RPP40: variants seen among roughly 807,000 people sequenced by gnomAD.
The protein encoded by RPP40 is ribonuclease P/MRP subunit p40.
In RPP40, 30 loss-of-function variants were observed where a neutral mutation model predicts 42.5. The ratio of observed to expected loss-of-function variants is 0.71; its 90% CI spans 0.53 to 0.96. The LOEUF (loss-of-function observed/expected upper bound fraction) is 0.96. RPP40 is among the 40% of genes least tolerant of loss of function. The pLI, the probability that RPP40 is intolerant of heterozygous loss-of-function variation, is 0.00. For synonymous variants in RPP40, 173 were observed against 164.0 expected (o/e 1.05, Z -0.42); for missense variants, 426 against 433.5 (o/e 0.98, Z 0.15).
At chr6:4,988,740 T>A in the RPP40 span, among the ~76,000 whole-genome samples, 4 of 152,358 alleles carry the variant, frequency 2.6e-5, no homozygotes, top group South Asian at 8.3e-4. Context: ...ATTTGTTTTT[T>A]TCCTAGGTCT....
chr6:4,991,273 G>C (rs570457413), downstream of RPP40, among the ~76,000 whole-genome samples: 2 of 152,238 alleles, frequency 1.3e-5, no homozygotes, highest in East Asian at 3.9e-4. Flanking sequence ...TGTGACAAAT[G>C]TTTTGAATTT....
downstream of RPP40, among the ~76,000 whole-genome samples, chr6:4,990,106 G>A (rs1413608989): frequency 6.6e-6 from 1 of 152,154 alleles, no homozygotes; most frequent in South Asian, 2.1e-4. Context: ...AAGAAGTGTT[G>A]TTTATTCCTA....
At chr6:4,990,946 A>G (rs918926251), downstream of RPP40, among the ~76,000 whole-genome samples, 2 of 152,134 alleles carry the variant, frequency 1.3e-5, no homozygotes, top group Non-Finnish European at 2.9e-5. Context: ...GGTGTTCCTA[A>G]TATTTCCTTA....
In RPP40 at chr6:5,000,527, T is replaced by C. The variant is rs757295513; in HGVS notation, c.337+36A>G. The C allele has an allele frequency of 4.1e-6, 5 of 1,221,514 alleles. No individual in the cohort carries two copies. In the South Asian group the frequency reaches 5.3e-5, roughly 13 times the overall value. 75.7% of individuals were successfully genotyped at this position (1,221,514 alleles called of 1,614,324 possible). A position where few individuals can be genotyped will look rare whatever the true frequency, so the allele number is the denominator to read the frequency against. ...TTTTTTTACAGTATGCATTTTTTTT[T>C]AACAATTAAAGAAAGATGAAAAAAT... is the stretch of plus-strand genomic sequence containing the variant. On this transcript the variant is annotated intron_variant, in intron 3 of 7. Coordinates refer to ENST00000380051, the MANE Select transcript of RPP40 (RefSeq NM_006638.4).
chr6:5,000,514 A>G, intron 3 of RPP40, 49 bp downstream of exon 3: 2 of 819,276 alleles, frequency 2.4e-6, no homozygotes, highest in Non-Finnish European at 1.9e-6. Flanking sequence ...TTTTTACAGT[A>G]TGCATTTTTT....
At chr6:5,003,520 C>T (rs993614159) in intron 1 of RPP40, 18 of 186,322 alleles carry the variant, frequency 9.7e-5, no homozygotes, top group Non-Finnish European at 1.8e-4. Context: ...GCGAGGTGCA[C>T]GTGGCTGCCC....
chr6:4,999,574 A>G (rs1327364736), intron 4 of RPP40, among the ~76,000 whole-genome samples: 1 of 152,120 alleles, frequency 6.6e-6, no homozygotes, highest in Admixed American at 6.5e-5. Context: ...AACCCGAAAC[A>G]TATATATTTA....
At chr6:5,002,946 A>C (rs2793240) in intron 1 of RPP40, among the ~76,000 whole-genome samples, 135,186 of 152,284 alleles carry the variant, frequency 0.89, 60,121 homozygotes, top group East Asian at 0.99. Context: ...GTCAAACCTG[A>C]GTTATTAAGC....
At chr6:5,001,598 C>T (rs1759560422) in intron 2 of RPP40, among the ~76,000 whole-genome samples, 1 of 152,174 alleles carries the variant, frequency 6.6e-6, no homozygotes, top group African/African-American at 2.4e-5. Flanking sequence ...ACAAACCAGT[C>T]CAACCCAGCA....
chr6:4,993,543 T>G (rs1426950118), downstream of RPP40, among the ~76,000 whole-genome samples: 2 of 152,228 alleles, frequency 1.3e-5, no homozygotes, highest in African/African-American at 4.8e-5. Flanking sequence ...TTTACACTTG[T>G]GATTTTTTTC....
chr6:4,996,311 C>G lies in RPP40; in HGVS notation c.669G>C (p.Gln223His). 2 of 1,614,204 alleles carry G rather than the reference C, an allele frequency of 1.2e-6. No homozygotes were observed. The highest frequency in any genetic ancestry group is 1.7e-6 in the Non-Finnish European group (2 of 1,180,052). ...CTGGCGTTCCCTCCAGCTCGCTGCTCTGCAGCACTGGGCACTGGAGATCTC... is the reference window on the plus strand; with the variant it reads ...CTGGCGTTCCCTCCAGCTCGCTGCTGTGCAGCACTGGGCACTGGAGATCTC... ...TLRDLQCPVL[Q>H]SSELEGTPEV... The change falls in exon 6 of 8, where the codon CAG (glutamine) becomes CAC (histidine). Residue 223 changes from glutamine to histidine, a missense_variant. Physicochemically the swap from Gln to His is conservative, Grantham distance 24 (BLOSUM62 0). Coordinates refer to ENST00000380051, the MANE Select transcript of RPP40 (RefSeq NM_006638.4).
chr6:5,001,844 C>A, intron 2 of RPP40: 1 of 340,210 alleles, frequency 2.9e-6, no homozygotes, highest in Non-Finnish European at 5.3e-6. Flanking sequence ...CATTAATCCT[C>A]ATTTTAAGGG....
rs1561748539 is a variant in RPP40 at position 5,003,360 on chromosome 6, A to AAAG, written c.123+519_123+520insCTT. 5.7e-3 allele frequency among the ~76,000 whole-genome samples: 855 copies of AAAG among 149,256 alleles called. 46 individuals are homozygous for AAAG. Among genetic ancestry groups the AAAG allele is most frequent in the African/African-American group, 0.02 (807 of 40,024 alleles). ...AAACTCCGTCTAAAAAAAAAAAAAA[A>AAAG]AAAAAAAGGAAAATCAGTCGCTTCC... On this transcript the variant is annotated intron_variant, in intron 1 of 7. Transcript: ENST00000380051.
At chr6:4,990,870 GC>G (rs1759251343), downstream of RPP40, among the ~76,000 whole-genome samples, 1 of 152,028 alleles carries the variant, frequency 6.6e-6, no homozygotes, top group South Asian at 2.1e-4. Flanking sequence ...TCTTGGGTGA[GC>G]TTTGGTAATT....
chr6:4,989,646 C>A, the RPP40 span, among the ~76,000 whole-genome samples: 1 of 152,138 alleles, frequency 6.6e-6, no homozygotes, highest in African/African-American at 2.4e-5. Flanking sequence ...GTATTTTTCT[C>A]ATTTTTTTGG....
At position 4,994,889 on chromosome 6, in the gene RPP40, G is replaced by A; in HGVS notation, c.*189C>T. 3.4e-6 allele frequency: 2 copies of A among 596,444 alleles called. No homozygotes were observed. The highest frequency in any genetic ancestry group is 5.9e-6 in the Non-Finnish European group (2 of 338,214). The allele number at this position is 596,444 out of a possible 1,614,324, so 36.9% of individuals were successfully genotyped here. On this transcript the variant is annotated 3_prime_UTR_variant, in exon 8 of 8. Transcript: ENST00000380051. ...GTTGACAGAGAGAAATCAACTATGA[G>A]CTATTCACTGGACAGCAGGCCTTGC...
At position 4,995,088 on chromosome 6, in the gene RPP40, C is replaced by T. The variant is rs1759328369; in HGVS notation, c.1082G>A (p.Cys361Tyr). ...TTTAATTTTTATTTTTTATGGTGGA[C>T]AGTGATCATTTGCCCCAACAGCCAT... is the stretch of plus-strand genomic sequence containing the variant. ...LQMAVGANDH[C>Y]PP The change falls in exon 8 of 8, where the codon TGT (cysteine) becomes TAT (tyrosine). Residue 361 changes from cysteine to tyrosine, a missense_variant. By Grantham distance (194) the Cys-to-Tyr change is radical. Coordinates refer to ENST00000380051, the MANE Select transcript of RPP40 (RefSeq NM_006638.4). 7.4e-6 allele frequency: 12 copies of T among 1,612,126 alleles called. No individual in the cohort carries two copies. The highest frequency in any genetic ancestry group is 9.3e-6 in the Non-Finnish European group (11 of 1,178,956).
Position 4,996,092 on chromosome 6 carries a change from C to A in RPP40, c.759-7G>T. ...ATTATTAGGCTCATTATTTCTGTCA[C>A]CAAAAAAATAAAAGAGAGAGAGATA... On this transcript the variant is annotated splice_polypyrimidine_tract_variant and splice_region_variant and intron_variant, in intron 6 of 7. Transcript: ENST00000380051. 1.2e-6 allele frequency: 2 copies of A among 1,610,912 alleles called. No individual in the cohort carries two copies. Among genetic ancestry groups the A allele is most frequent in the Admixed American group, 1.7e-5 (1 of 59,218 alleles).
At chr6:4,998,912 C>A in intron 4 of RPP40, 71 bp from the exon 5 acceptor site, 2 of 1,024,032 alleles carry the variant, frequency 2.0e-6, no homozygotes, top group Non-Finnish European at 2.6e-6. Context: ...AAAAGTGTTA[C>A]ATTTTTAAAA....
Sources: gnomAD v4.1 joint callset for allele counts (sites outside exome capture counted in the v4.1 genomes callset) on GRCh38, gnomAD v4.1.1 for gene constraint, MANE v1.5 for transcripts, NCBI Gene and HGNC (gene_info 2026-07-23, HGNC 2026-07-21) for gene names.